MTUS1: variants seen among roughly 807,000 people sequenced by gnomAD.
MTUS1 encodes microtubule-associated tumor suppressor 1.
Under a neutral mutation model 120.8 loss-of-function variants are expected in MTUS1, and 109 were observed. The ratio of observed to expected loss-of-function variants is 0.90; its 90% CI spans 0.77 to 1.06. The LOEUF (loss-of-function observed/expected upper bound fraction) is 1.06, where lower values mean the gene tolerates loss of function less well. MTUS1 is among the 50% of genes least tolerant of loss of function. The pLI is 0.00. For missense variants in MTUS1, 2,210 were observed against 1,486.3 expected (o/e 1.49, Z -8.01); for synonymous variants, 737 against 550.5 (o/e 1.34, Z -4.74).
At chr8:17,756,646 T>C (rs1391413710) in intron 1 of MTUS1, among the ~76,000 whole-genome samples, 70 of 130,050 alleles carry the variant, frequency 5.4e-4, no homozygotes, top group Middle Eastern at 3.7e-3. Context: ...TCCCCACCCC[T>C]CTCCAATTCA....
Position 17,646,982 on chromosome 8 carries a change from C to T in MTUS1, c.3599G>A (p.Arg1200Lys). The T allele has an allele frequency of 1.9e-6, 3 of 1,612,398 alleles. No individual in the cohort carries two copies. The highest frequency in any genetic ancestry group is 2.5e-6 in the Non-Finnish European group (3 of 1,178,654). The change falls in exon 14 of 15, where the codon AGG (arginine) becomes AAG (lysine). Residue 1200 changes from arginine to lysine, a missense_variant and splice_region_variant. By Grantham distance (26) the Arg-to-Lys change is conservative. Coordinates refer to ENST00000693296, the MANE Select transcript of MTUS1 (RefSeq NM_001363059.2). Reference protein sequence around the residue: ...ARMDKHMAISRQLSTEQAVLQ... With the variant: ...ARMDKHMAISKQLSTEQAVLQ... ...AGAAACAGCACTGTTTTATTTTTAC[C>T]TTGAGATTGCCATGTGCTTGTCCAT...
chr8:17,797,285 T>G (rs919391997), intron 1 of MTUS1, among the ~76,000 whole-genome samples: 9 of 151,438 alleles, frequency 5.9e-5, no homozygotes, highest in Admixed American at 3.3e-4. Flanking sequence ...TGGCGGCACA[T>G]GACTGTAGTC....
At chr8:17,757,505 A>C (rs2048714249) in intron 1 of MTUS1, among the ~76,000 whole-genome samples, 1 of 152,216 alleles carries the variant, frequency 6.6e-6, no homozygotes, top group African/African-American at 2.4e-5. Flanking sequence ...AAAGCATTTA[A>C]ATCTAAAACT....
rs58490523 is a variant in MTUS1, at chr8:17,680,464, CAAAAA to C, written c.2838+3859_2838+3863del. Among the ~76,000 whole-genome samples, 62 of 24,312 alleles carry C rather than the reference CAAAAA, an allele frequency of 2.6e-3. 1 individual carries two copies. Among genetic ancestry groups the C allele is most frequent in the Admixed American group, 7.6e-3 (16 of 2,106 alleles). The allele number at this position is 24,312 out of a possible 152,430, so 15.9% of individuals were successfully genotyped here. A position where few individuals can be genotyped will look rare whatever the true frequency, so the allele number is the denominator to read the frequency against. ...GGGTGACAGAGCAAGGCCACTGTCG[CAAAAA>C]AAAAAAAAAAAAAAAAAAAAAAAAA... On this transcript the variant is annotated intron_variant, in intron 7 of 14. Transcript: ENST00000693296.
chr8:17,765,385 T>C (rs983327453), intron 1 of MTUS1, among the ~76,000 whole-genome samples: 1 of 152,026 alleles, frequency 6.6e-6, no homozygotes, highest in Non-Finnish European at 1.5e-5. Context: ...TCCCAGCACT[T>C]TGGGAGGCCG....
chr8:17,704,921 G>C (rs1819854838), intron 6 of MTUS1, among the ~76,000 whole-genome samples: 1 of 152,180 alleles, frequency 6.6e-6, no homozygotes, highest in African/African-American at 2.4e-5. Context: ...GCTCTACACA[G>C]AGTATGTGCT....
rs142872664 is a variant in MTUS1 at position 17,667,022 on chromosome 8, T to C, written c.2905+8164A>G. On this transcript the variant is annotated intron_variant, in intron 8 of 14. Transcript: ENST00000693296. ...GCCACTATTCTACACAATAAGGTATTAAATTAGGAAAATCCCAAGTTGAGA... is the reference window on the plus strand; with the variant it reads ...GCCACTATTCTACACAATAAGGTATCAAATTAGGAAAATCCCAAGTTGAGA... 3.9e-3 allele frequency among the ~76,000 whole-genome samples: 598 copies of C among 152,306 alleles called. 4 individuals are homozygous for C. Among genetic ancestry groups the C allele is most frequent in the Admixed American group, 6.5e-3 (100 of 15,302 alleles).
intron 5 of MTUS1, among the ~76,000 whole-genome samples, chr8:17,713,584 A>T (rs1821752426): frequency 6.6e-6 from 1 of 151,614 alleles, no homozygotes; most frequent in South Asian, 2.1e-4. Flanking sequence ...CTGTGCACAT[A>T]TGCCATTCTG....
intron 8 of MTUS1, among the ~76,000 whole-genome samples, chr8:17,663,432 G>A (rs1810204433): frequency 6.6e-6 from 1 of 152,126 alleles, no homozygotes; most frequent in South Asian, 2.1e-4. Flanking sequence ...GAGTAGCATG[G>A]TTCATTATGA....
intron 1 of MTUS1, among the ~76,000 whole-genome samples, chr8:17,759,979 C>A (rs2048909610): frequency 6.6e-6 from 1 of 151,170 alleles, no homozygotes; most frequent in Non-Finnish European, 1.5e-5. Context: ...GAGGCTGAGG[C>A]AGGAGCATCA....
chr8:17,678,720 G>A (rs1427359283), intron 7 of MTUS1, among the ~76,000 whole-genome samples: 2 of 148,694 alleles, frequency 1.3e-5, no homozygotes, highest in Non-Finnish European at 1.5e-5. Flanking sequence ...CCTTTGTTCA[G>A]GTGCTACTTT....
chr8:17,782,715 G>A (rs1028565812), intron 1 of MTUS1, among the ~76,000 whole-genome samples: 2 of 152,054 alleles, frequency 1.3e-5, no homozygotes, highest in African/African-American at 4.8e-5. Context: ...CATCTTTTCT[G>A]AAACCACAAG....
chr8:17,752,225 G>A (rs1328253999), intron 2 of MTUS1, among the ~76,000 whole-genome samples: 2 of 151,860 alleles, frequency 1.3e-5, no homozygotes, highest in Admixed American at 1.3e-4. Flanking sequence ...TAAAGAAAAA[G>A]AAACTTTATG....
At chr8:17,658,613 G>A (rs1332445579) in intron 8 of MTUS1, among the ~76,000 whole-genome samples, 1 of 152,180 alleles carries the variant, frequency 6.6e-6, no homozygotes, top group Non-Finnish European at 1.5e-5. Context: ...AGGGTTGCTG[G>A]CAAATCTGTT....
intron 12 of MTUS1, among the ~76,000 whole-genome samples, chr8:17,650,240 T>C (rs1806700222): frequency 6.6e-6 from 1 of 152,206 alleles, no homozygotes; most frequent in Admixed American, 6.5e-5. Context: ...AAAACTTTGC[T>C]TACATACAAA....
chr8:17,741,566 A>C (rs1032754666), intron 3 of MTUS1, among the ~76,000 whole-genome samples: 1 of 152,340 alleles, frequency 6.6e-6, no homozygotes, highest in African/African-American at 2.4e-5. Context: ...CACTAAGACT[A>C]AACAGATCCA....
chr8:17,672,151 T>C (rs1337410918), intron 8 of MTUS1, among the ~76,000 whole-genome samples: 2 of 152,194 alleles, frequency 1.3e-5, no homozygotes, highest in East Asian at 1.9e-4. Context: ...TCTAGGAATA[T>C]TTAGTCTAAT....
intron 7 of MTUS1, chr8:17,676,216 C>CA: frequency 1.4e-6 from 1 of 701,990 alleles, no homozygotes; most frequent in Admixed American, 2.0e-5. Flanking sequence ...GAATTCCAGA[C>CA]AGCCTCTGCA....
intron 8 of MTUS1, among the ~76,000 whole-genome samples, chr8:17,667,189 A>T (rs187368571): frequency 6.6e-6 from 1 of 152,284 alleles, no homozygotes; most frequent in East Asian, 1.9e-4. Context: ...GTCCAAATTG[A>T]GGGCAGATGT....
Sources: gnomAD v4.1 joint callset for allele counts (sites outside exome capture counted in the v4.1 genomes callset) on GRCh38, gnomAD v4.1.1 for gene constraint, MANE v1.5 for transcripts, NCBI Gene and HGNC (gene_info 2026-07-23, HGNC 2026-07-21) for gene names.